The following GIPC2 variants were observed in gnomAD, a reference collection of about 807,000 sequenced individuals.
The protein encoded by GIPC2 is PDZ domain-containing protein GIPC2.
Under a neutral mutation model 30.6 loss-of-function variants are expected in GIPC2, and 30 were observed. The observed-to-expected ratio is 0.98, with a 90% confidence interval of 0.73 to 1.33. GIPC2 has a LOEUF of 1.33. GIPC2 is among the 40% of genes most tolerant of loss of function. The probability of loss-of-function intolerance (pLI) is 0.00; values close to 1 mark genes in which losing one functional copy is unlikely to be tolerated. For synonymous variants in GIPC2, 167 were observed against 150.0 expected, an observed-to-expected ratio of 1.11 and a Z score of -0.83; for missense variants, 414 against 390.3, an observed-to-expected ratio of 1.06 and a Z score of -0.51.
rs751255484 is a variant in GIPC2 at position 78,114,043 on chromosome 1, A to G, written c.608-5350A>G. On this transcript the variant is annotated intron_variant, in intron 3 of 5. Coordinates refer to ENST00000370759, the MANE Select transcript of GIPC2 (RefSeq NM_017655.6). ...AATTGCCACAAAAAGGTCTGGGAAC[A>G]AACCTGATTGCTTCTAGGCTATGTG... 7.4e-4 allele frequency among the ~76,000 whole-genome samples: 113 copies of G among 152,232 alleles called. 1 individual carries two copies. The highest frequency in any genetic ancestry group is 1.4e-3 in the Non-Finnish European group (96 of 68,052).
chr1:78,077,265 T>C (rs1368047167), intron 1 of GIPC2, among the ~76,000 whole-genome samples: 2 of 152,230 alleles, frequency 1.3e-5, no homozygotes, highest in Non-Finnish European at 2.9e-5. Flanking sequence ...ACATTGATTA[T>C]AGGCTGAAAT....
intron 1 of GIPC2, among the ~76,000 whole-genome samples, chr1:78,069,492 T>G (rs1661578010): frequency 6.6e-6 from 1 of 150,998 alleles, no homozygotes; most frequent in South Asian, 2.1e-4. Context: ...TTTTTTTTTT[T>G]TTTGAGACAG....
intron 2 of GIPC2, among the ~76,000 whole-genome samples, chr1:78,082,571 C>T (rs1345065055): frequency 6.6e-6 from 1 of 152,148 alleles, no homozygotes; most frequent in Non-Finnish European, 1.5e-5. Context: ...GGAAGTTTCA[C>T]AAACGTGTGT....
At chr1:78,129,757 TG>T (rs1294874477) in intron 5 of GIPC2, among the ~76,000 whole-genome samples, 1 of 152,190 alleles carries the variant, frequency 6.6e-6, no homozygotes, top group Non-Finnish European at 1.5e-5. Flanking sequence ...CCTAACTCAG[TG>T]GAAAGTTGTG....
upstream of GIPC2, chr1:78,045,521 G>A: frequency 2.0e-6 from 2 of 981,702 alleles, no homozygotes; most frequent in Non-Finnish European, 2.4e-6. Flanking sequence ...GAGGTGCCAA[G>A]GACCCGGCTG....
chr1:78,111,334 C>T (rs1337230894), intron 3 of GIPC2, among the ~76,000 whole-genome samples: 1 of 152,096 alleles, frequency 6.6e-6, no homozygotes, highest in African/African-American at 2.4e-5. Flanking sequence ...GCTCTTCTTC[C>T]CCTTCCTCAC....
At chr1:78,133,368 G>A (rs1218664872) in intron 5 of GIPC2, among the ~76,000 whole-genome samples, 1 of 152,170 alleles carries the variant, frequency 6.6e-6, no homozygotes, top group Non-Finnish European at 1.5e-5. Flanking sequence ...AGTTGAAAAT[G>A]CAGAATCTCA....
At chr1:78,066,490 C>T (rs1281614555) in intron 1 of GIPC2, among the ~76,000 whole-genome samples, 2 of 152,114 alleles carry the variant, frequency 1.3e-5, no homozygotes, top group Non-Finnish European at 2.9e-5. Context: ...TCCTCAAAGA[C>T]CTAAAAGTAG....
Position 78,095,142 on chromosome 1 carries a change from G to C in GIPC2, c.607+10G>C. 1 of 1,599,432 alleles carries C rather than the reference G, an allele frequency of 6.3e-7. No individual in the cohort carries two copies. The highest frequency in any genetic ancestry group is 8.6e-7 in the Non-Finnish European group (1 of 1,167,984). On this transcript the variant is annotated intron_variant, in intron 3 of 5. Transcript: ENST00000370759. ...CCTAAGAAGGCATTTGGTAAGTCAG[G>C]GGTTGGTGGGCGGGTGTGTGAAATG... is the stretch of plus-strand genomic sequence containing the variant.
chr1:78,093,613 C>T (rs1387150814), intron 2 of GIPC2, among the ~76,000 whole-genome samples: 6 of 152,160 alleles, frequency 3.9e-5, no homozygotes, highest in Non-Finnish European at 8.8e-5. Flanking sequence ...GACAATATGA[C>T]GGAGATGCTG....
chr1:78,062,617 G>A (rs1661415097), intron 1 of GIPC2, among the ~76,000 whole-genome samples: 1 of 150,176 alleles, frequency 6.7e-6, no homozygotes, highest in African/African-American at 2.5e-5. Flanking sequence ...AAGTGATCCT[G>A]TCACCTCAGC....
At chr1:78,090,337 G>C (rs1464882517) in intron 2 of GIPC2, among the ~76,000 whole-genome samples, 3 of 152,076 alleles carry the variant, frequency 2.0e-5, no homozygotes, top group African/African-American at 7.2e-5. Context: ...TGGGGTTATA[G>C]GAATGTGCCA....
At chr1:78,124,781 G>C (rs760767125) in intron 4 of GIPC2, among the ~76,000 whole-genome samples, 1 of 152,104 alleles carries the variant, frequency 6.6e-6, no homozygotes. Flanking sequence ...TGAGGTGGGC[G>C]GATCACTTGA....
chr1:78,106,956 A>G (rs7545376), intron 3 of GIPC2, among the ~76,000 whole-genome samples: 35,921 of 152,072 alleles, frequency 0.24, 4,782 homozygotes, highest in East Asian at 0.64. Context: ...GATTACAGGC[A>G]TGAGCCACTG....
At chr1:78,094,654 A>G (rs1303381373) in intron 2 of GIPC2, among the ~76,000 whole-genome samples, 1 of 152,202 alleles carries the variant, frequency 6.6e-6, no homozygotes, top group Admixed American at 6.5e-5. Flanking sequence ...ATTCTGAATG[A>G]TAAGGAAGAC....
At chr1:78,112,427 C>T (rs1662482481) in intron 3 of GIPC2, 2 of 518,904 alleles carry the variant, frequency 3.9e-6, no homozygotes, top group Non-Finnish European at 7.7e-6. Flanking sequence ...CATCTTTGGG[C>T]TATTTCTTGT....
intron 1 of GIPC2, among the ~76,000 whole-genome samples, chr1:78,066,572 G>A (rs116695086): frequency 0.033 from 5,090 of 152,264 alleles, 184 homozygotes; most frequent in African/African-American, 0.098. Context: ...TTACTGTAGA[G>A]ACCCGTGCAC....
chr1:78,050,163 G>A (rs762805432), intron 1 of GIPC2, among the ~76,000 whole-genome samples: 8 of 151,504 alleles, frequency 5.3e-5, no homozygotes, highest in Admixed American at 4.6e-4. Context: ...CCCAAAGTGA[G>A]CTGGGATTAC....
chr1:78,048,889 T>C (rs1446720743), intron 1 of GIPC2, among the ~76,000 whole-genome samples: 1 of 152,248 alleles, frequency 6.6e-6, no homozygotes, highest in Non-Finnish European at 1.5e-5. Flanking sequence ...TATAACATTT[T>C]ATAACCCGGG....
Sources: gnomAD v4.1 joint callset for allele counts (sites outside exome capture counted in the v4.1 genomes callset) on GRCh38, gnomAD v4.1.1 for gene constraint, MANE v1.5 for transcripts, NCBI Gene and HGNC (gene_info 2026-07-23, HGNC 2026-07-21) for gene names.